The following UNC13A variants were observed in gnomAD, a reference collection of about 807,000 sequenced individuals.
UNC13A encodes unc-13 homolog A.
In UNC13A, 61 loss-of-function variants were observed where a neutral mutation model predicts 219.7. That is an observed-to-expected ratio of 0.28 (90% CI 0.23 to 0.34). The LOEUF is 0.34. Among genes scored for constraint, UNC13A ranks in the 10% least tolerant of loss-of-function variants. UNC13A has a pLI of 1.00. For missense variants in UNC13A, 1,476 were observed against 2,270.3 expected (o/e 0.65, Z 7.11); for synonymous variants, 920 against 884.6 (o/e 1.04, Z -0.71).
At chr19:17,647,127 A>G (rs1258378095) in intron 17 of UNC13A, 138 bp downstream of exon 17, 1 of 790,786 alleles carries the variant, frequency 1.3e-6, no homozygotes, top group African/African-American at 1.7e-5. Flanking sequence ...ATGCGTGCAC[A>G]CACGGAGATG....
Position 17,601,998 on chromosome 19 carries a change from C to T in UNC13A, c.*4056G>A, listed in dbSNP as rs2076469162. On this transcript the variant is annotated 3_prime_UTR_variant, in exon 44 of 44. Transcript: ENST00000519716. ...TTGTCCCCATCTGCAAAATCGACAG[C>T]ACATGGGGTAGGGGTAGGGGACAGA... 6.5e-6 allele frequency: 1 copy of T among 152,690 alleles called. No homozygotes were observed. 9.5% of individuals were successfully genotyped at this position (152,690 alleles called of 1,614,324 possible).
intron 28 of UNC13A, among the ~76,000 whole-genome samples, chr19:17,631,951 C>A (rs1466012340): frequency 1.3e-5 from 2 of 152,078 alleles, no homozygotes; most frequent in Non-Finnish European, 2.9e-5. Context: ...CACTTTGTTG[C>A]CCCAGCTGGA....
chr19:17,611,460 G>A (rs1459160752), intron 42 of UNC13A, among the ~76,000 whole-genome samples: 1 of 152,208 alleles, frequency 6.6e-6, no homozygotes, highest in Non-Finnish European at 1.5e-5. Flanking sequence ...TTACAGGCAT[G>A]AGCCACCGTG....
At chr19:17,648,387 TCC>T (rs1352855556) in intron 16 of UNC13A, 42 bp downstream of exon 16, 36 of 1,221,870 alleles carry the variant, frequency 2.9e-5, no homozygotes, top group Non-Finnish European at 3.6e-5. Flanking sequence ...GCCCCGGGGC[TCC>T]CCACGCCAAC....
chr19:17,633,082 G>A lies in UNC13A; in HGVS notation c.3301+26C>T, dbSNP rs374134432. On this transcript the variant is annotated intron_variant, in intron 27 of 43. Transcript: ENST00000519716. ...TACAGCCACCTGGTGTGGCCAGGCT[G>A]GGGAACACTGGGGTGGGAAACTCAC... The A allele has an allele frequency of 3.4e-5, 55 of 1,613,214 alleles. No individual in the cohort carries two copies. The African/African-American group carries it at 5.3e-4, about 16-fold the overall frequency.
rs112981636 is a variant in UNC13A at position 17,668,236 on chromosome 19, G to A, written c.395-46C>T. ...GTGAGCCTGGAAGACCCTCCCTGCCGCTCAGCCTCCATCCTCCAGGCCTAC... is the reference window on the plus strand; with the variant it reads ...GTGAGCCTGGAAGACCCTCCCTGCCACTCAGCCTCCATCCTCCAGGCCTAC... On this transcript the variant is annotated intron_variant, in intron 5 of 43. Coordinates refer to ENST00000519716, the MANE Select transcript of UNC13A (RefSeq NM_001080421.3). 6 of 1,049,992 alleles carry A rather than the reference G, an allele frequency of 5.7e-6. No homozygotes were observed. The East Asian group carries it at 6.8e-5, about 12-fold the overall frequency. The allele number at this position is 1,049,992 out of a possible 1,614,324, so 65.0% of individuals were successfully genotyped here.
In UNC13A at chr19:17,664,815, C is replaced by G. The variant is rs11880304; in HGVS notation, c.524-1248G>C. ...GGAGTATCCCAAGCCCTCCTCAACC[C>G]CGGTTCCATTACCACCCTCCTGGAC... On this transcript the variant is annotated intron_variant, in intron 7 of 43. Coordinates refer to ENST00000519716, the MANE Select transcript of UNC13A (RefSeq NM_001080421.3). Among the ~76,000 whole-genome samples the G allele has an allele frequency of 1.1e-4, 17 of 152,264 alleles. No individual in the cohort carries two copies. The East Asian group carries it at 1.7e-3, about 16-fold the overall frequency.
intron 5 of UNC13A, 67 bp from the exon 6 acceptor site, chr19:17,668,257 C>T: frequency 6.6e-7 from 1 of 1,513,318 alleles, no homozygotes; most frequent in Non-Finnish European, 9.1e-7. Flanking sequence ...ATCCTCCAGG[C>T]CTACTGAGCT....
chr19:17,625,957 CCAGA>C (rs1331931693), intron 34 of UNC13A, among the ~76,000 whole-genome samples: 8 of 151,714 alleles, frequency 5.3e-5, no homozygotes, highest in Non-Finnish European at 1.0e-4. Flanking sequence ...ATCCAGCCAG[CCAGA>C]CAGACATCTA....
intron 41 of UNC13A, among the ~76,000 whole-genome samples, chr19:17,616,637 G>T (rs2076668216): frequency 6.6e-6 from 1 of 152,150 alleles, no homozygotes; most frequent in Non-Finnish European, 1.5e-5. Flanking sequence ...AACGTCAGCT[G>T]CAGACAGACG....
chr19:17,613,549 C>T (rs1038579902), intron 41 of UNC13A, among the ~76,000 whole-genome samples: 1 of 152,086 alleles, frequency 6.6e-6, no homozygotes, highest in South Asian at 2.1e-4. Context: ...CCACTCACCC[C>T]ATTCTTGCCC....
chr19:17,614,934 A>G (rs758221043), intron 41 of UNC13A, among the ~76,000 whole-genome samples: 3 of 152,088 alleles, frequency 2.0e-5, no homozygotes, highest in South Asian at 2.1e-4. Context: ...GAGGGGTCAG[A>G]CCAAGGCCAA....
At chr19:17,678,984 C>T (rs2079954681) in intron 1 of UNC13A, among the ~76,000 whole-genome samples, 1 of 151,972 alleles carries the variant, frequency 6.6e-6, no homozygotes, top group African/African-American at 2.4e-5. Context: ...GAGTACCAGG[C>T]ATAGAGGCAC....
intron 11 of UNC13A, among the ~76,000 whole-genome samples, chr19:17,653,791 G>A (rs1402722715): frequency 1.5e-5 from 2 of 135,944 alleles, no homozygotes; most frequent in Non-Finnish European, 3.2e-5. Context: ...CTGAAATATT[G>A]TTGAAATAAA....
intron 11 of UNC13A, 128 bp from the exon 12 acceptor site, chr19:17,652,805 T>G (rs1306967313): frequency 1.0e-6 from 1 of 994,394 alleles, no homozygotes; most frequent in Non-Finnish European, 1.5e-6. Context: ...CCTGGCTGAG[T>G]GATTTTAGGA....
chr19:17,647,627 T>G, intron 16 of UNC13A, 135 bp from the exon 17 acceptor site: 1 of 783,378 alleles, frequency 1.3e-6, no homozygotes, highest in Non-Finnish European at 2.0e-6. Context: ...CCTACCTGCT[T>G]TCTGTACCCC....
chr19:17,648,315 C>CG, intron 16 of UNC13A, 116 bp downstream of exon 16: 6 of 824,024 alleles, frequency 7.3e-6, no homozygotes, highest in African/African-American at 1.8e-5. Context: ...CGCCCCGCCC[C>CG]TTGCCCCGCC....
At chr19:17,619,283 G>T (rs148257901) in intron 38 of UNC13A, among the ~76,000 whole-genome samples, 5 of 152,268 alleles carry the variant, frequency 3.3e-5, no homozygotes, top group East Asian at 3.9e-4. Context: ...TGTGGGCAGG[G>T]TTTCCAGGGA....
chr19:17,624,680 C>T lies in UNC13A; in HGVS notation c.4197+149G>A, dbSNP rs376651866. On this transcript the variant is annotated intron_variant, in intron 35 of 43. Coordinates refer to ENST00000519716, the MANE Select transcript of UNC13A (RefSeq NM_001080421.3). ...GCCCCCCACTGACCTCTGGTGGCTT[C>T]CATGACCCTTGAATGGCCCTTGAGC... is the stretch of plus-strand genomic sequence containing the variant. 2.0e-4 allele frequency: 241 copies of T among 1,204,464 alleles called. No individual in the cohort carries two copies. In the African/African-American group the frequency reaches 3.4e-3, roughly 17 times the overall value. 74.6% of individuals were successfully genotyped at this position (1,204,464 alleles called of 1,614,324 possible).
Sources: allele counts gnomAD v4.1 joint callset (sites outside exome capture counted in the v4.1 genomes callset), GRCh38; gene constraint gnomAD v4.1.1; transcripts MANE v1.5; gene names NCBI Gene and HGNC (gene_info 2026-07-23, HGNC 2026-07-21).